RBFOX1: variants seen among roughly 807,000 people sequenced by gnomAD.
RBFOX1 encodes RNA binding protein fox-1 homolog 1.
RBFOX1 carries 8 observed loss-of-function variants against 57.7 expected under a neutral mutation model. That is an observed-to-expected ratio of 0.14 (90% CI 0.08 to 0.25). The LOEUF (loss-of-function observed/expected upper bound fraction) is 0.25. Among genes scored for constraint, RBFOX1 ranks in the 10% least tolerant of loss-of-function variants. The pLI, the probability that RBFOX1 is intolerant of heterozygous loss-of-function variation, is 1.00. For missense variants in RBFOX1, 611 were observed against 548.5 expected (o/e 1.11, Z -1.14); for synonymous variants, 326 against 222.4 (o/e 1.47, Z -4.15).
chr16:5,401,809 TC>T (rs2066725097), intron 1 of RBFOX1, among the ~76,000 whole-genome samples: 1 of 137,416 alleles, frequency 7.3e-6, no homozygotes, highest in African/African-American at 2.8e-5. Context: ...TCCTCCTCCT[TC>T]TCCTTCTCGT....
At chr16:6,309,443 C>A (rs770959952) in intron 1 of RBFOX1, among the ~76,000 whole-genome samples, 2 of 152,112 alleles carry the variant, frequency 1.3e-5, no homozygotes, top group Non-Finnish European at 2.9e-5. Flanking sequence ...CAAACTTGCC[C>A]CTTGGGTTTT....
At chr16:6,615,272 A>G (rs1055729914) in intron 2 of RBFOX1, among the ~76,000 whole-genome samples, 1 of 152,204 alleles carries the variant, frequency 6.6e-6, no homozygotes, top group African/African-American at 2.4e-5. Flanking sequence ...ACTGGTGCTA[A>G]TAATTCCAAA....
chr16:5,455,553 G>A (rs2068604011), intron 1 of RBFOX1, among the ~76,000 whole-genome samples: 1 of 152,092 alleles, frequency 6.6e-6, no homozygotes, highest in Admixed American at 6.5e-5. Flanking sequence ...TCTTACCTAA[G>A]GTAACCACAT....
intron 3 of RBFOX1, among the ~76,000 whole-genome samples, chr16:6,733,992 GT>G (rs1202670928): frequency 6.6e-6 from 1 of 152,150 alleles, no homozygotes; most frequent in Non-Finnish European, 1.5e-5. Flanking sequence ...ATAGGACACA[GT>G]GTTCAGTCCC....
At position 5,736,345 on chromosome 16, in the gene RBFOX1, C is replaced by A. The variant is rs1031754392; in HGVS notation, c.319-130958C>A. ...AGATGTGTCACTATCTATAGCGACCCCTCCTCCCATCTTTTTTACTTTCCT... is the reference window on the plus strand; with the variant it reads ...AGATGTGTCACTATCTATAGCGACCACTCCTCCCATCTTTTTTACTTTCCT... On this transcript the variant is annotated intron_variant, in intron 3 of 19. Coordinates refer to the RBFOX1 transcript ENST00000641259. Among the ~76,000 whole-genome samples the A allele has an allele frequency of 5.9e-5, 9 of 152,092 alleles. No individual in the cohort carries two copies. In the East Asian group the frequency reaches 1.7e-3, roughly 29 times the overall value.
Position 7,136,557 on chromosome 16 carries a change from C to A in RBFOX1, c.27+84459C>A, listed in dbSNP as rs139895510. ...GAGTAGCTGGGATTACAGGTGCACGCCACCACACCTAGCTAATTAATTTGT... is the reference window on the plus strand; with the variant it reads ...GAGTAGCTGGGATTACAGGTGCACGACACCACACCTAGCTAATTAATTTGT... On this transcript the variant is annotated intron_variant, in intron 4 of 15. Coordinates refer to ENST00000550418, the MANE Select transcript of RBFOX1 (RefSeq NM_018723.4). Among the ~76,000 whole-genome samples, 11 of 152,140 alleles carry A rather than the reference C, an allele frequency of 7.2e-5. No individual in the cohort carries two copies. In the East Asian group the frequency reaches 1.9e-3, roughly 27 times the overall value.
chr16:7,511,441 A>G (rs566291469), intron 4 of RBFOX1, among the ~76,000 whole-genome samples: 26 of 152,320 alleles, frequency 1.7e-4, no homozygotes, highest in Admixed American at 5.2e-4. Flanking sequence ...GAGAAAATTC[A>G]GGGTTCAGGA....
rs868407407 is a variant in RBFOX1 at position 6,536,661 on chromosome 16, G to T, written c.-63-117942G>T. Among the ~76,000 whole-genome samples, 14 of 152,168 alleles carry T rather than the reference G, an allele frequency of 9.2e-5. No individual in the cohort carries two copies. The South Asian group carries it at 2.9e-3, about 32-fold the overall frequency. On this transcript the variant is annotated intron_variant, in intron 2 of 15. Coordinates refer to ENST00000550418, the MANE Select transcript of RBFOX1 (RefSeq NM_018723.4). ...TTCTTCAGCTAGTATGGCTTGTGAG[G>T]GTTCTTGGATTGCTATGATATCTTC...
At chr16:5,809,398 G>A (rs959902714) in intron 3 of RBFOX1, among the ~76,000 whole-genome samples, 1 of 151,542 alleles carries the variant, frequency 6.6e-6, no homozygotes, top group African/African-American at 2.4e-5. Flanking sequence ...CCTACACAAT[G>A]GGAGAAAATT....
At chr16:6,623,338 C>T (rs567028723) in intron 2 of RBFOX1, among the ~76,000 whole-genome samples, 2 of 152,180 alleles carry the variant, frequency 1.3e-5, no homozygotes, top group East Asian at 1.9e-4. Context: ...CTGAGAAGGG[C>T]CTGAGAAGGA....
At chr16:6,475,633 C>G (rs1383254480) in intron 2 of RBFOX1, among the ~76,000 whole-genome samples, 1 of 152,182 alleles carries the variant, frequency 6.6e-6, no homozygotes, top group East Asian at 1.9e-4. Context: ...ATTAAGCTCA[C>G]CTTTCTTAAT....
chr16:7,280,507 C>T (rs978620006), intron 4 of RBFOX1, among the ~76,000 whole-genome samples: 2 of 152,142 alleles, frequency 1.3e-5, no homozygotes, highest in African/African-American at 4.8e-5. Context: ...CCATTAGGTC[C>T]TGTGACAGGG....
At chr16:6,781,655 T>A (rs1190008222) in intron 3 of RBFOX1, among the ~76,000 whole-genome samples, 1 of 152,220 alleles carries the variant, frequency 6.6e-6, no homozygotes, top group Admixed American at 6.5e-5. Context: ...ATCTTTGTAG[T>A]TTTTTATGTC....
intron 2 of RBFOX1, among the ~76,000 whole-genome samples, chr16:5,527,668 G>A (rs1431741943): frequency 2.0e-5 from 3 of 152,104 alleles, no homozygotes; most frequent in Non-Finnish European, 4.4e-5. Flanking sequence ...GGTTTTTTGG[G>A]TTTTGTGCTT....
At chr16:7,022,576 A>G (rs186121186) in intron 3 of RBFOX1, among the ~76,000 whole-genome samples, 148 of 152,190 alleles carry the variant, frequency 9.7e-4, no homozygotes, top group African/African-American at 3.5e-3. Flanking sequence ...CCTAATTTTG[A>G]AAACTTATCT....
chr16:6,040,595 A>G (rs924383422), intron 1 of RBFOX1, among the ~76,000 whole-genome samples: 2 of 146,908 alleles, frequency 1.4e-5, no homozygotes, highest in Non-Finnish European at 3.0e-5. Flanking sequence ...TTTCTTTCTT[A>G]TTTATTTATT....
chr16:7,318,924 C>A (rs1360821932), intron 4 of RBFOX1, among the ~76,000 whole-genome samples: 1 of 152,102 alleles, frequency 6.6e-6, no homozygotes, highest in Non-Finnish European at 1.5e-5. Context: ...GATGAGCACA[C>A]CACTAGCCAG....
intron 3 of RBFOX1, among the ~76,000 whole-genome samples, chr16:5,853,666 A>T (rs932902681): frequency 1.3e-5 from 2 of 152,218 alleles, no homozygotes; most frequent in African/African-American, 4.8e-5. Context: ...AGCTTAACAG[A>T]GTTCAGGATG....
intron 3 of RBFOX1, among the ~76,000 whole-genome samples, chr16:5,617,290 T>C (rs561035146): frequency 6.6e-6 from 1 of 152,322 alleles, no homozygotes; most frequent in Non-Finnish European, 1.5e-5. Context: ...AGACTCAGGT[T>C]CAATGCTGCC....
Sources: allele counts gnomAD v4.1 joint callset (sites outside exome capture counted in the v4.1 genomes callset), GRCh38; gene constraint gnomAD v4.1.1; transcripts MANE v1.5; gene names NCBI Gene and HGNC (gene_info 2026-07-23, HGNC 2026-07-21).